The following CEP192 variants were observed in gnomAD, a reference collection of about 807,000 sequenced individuals.
CEP192 encodes the protein centrosomal protein 192, also known as centrosomal protein of 192 kDa.
CEP192 carries 151 observed loss-of-function variants against 271.8 expected under a neutral mutation model. The ratio of observed to expected loss-of-function variants is 0.56; its 90% confidence interval spans 0.49 to 0.64. CEP192 has a LOEUF of 0.64. Among genes scored for constraint, CEP192 ranks in the 30% least tolerant of loss-of-function variants. CEP192 has a pLI of 0.00. For synonymous variants in CEP192, 995 were observed against 1,076.5 expected (o/e 0.92, Z 1.48); for missense variants, 2,910 against 3,020.5 (o/e 0.96, Z 0.86).
At chr18:13,011,788 A>G (rs1599061528) in intron 4 of CEP192, among the ~76,000 whole-genome samples, 1 of 152,210 alleles carries the variant, frequency 6.6e-6, no homozygotes, top group South Asian at 2.1e-4. Flanking sequence ...TCGGCCTCCC[A>G]GAGTGCTGGG....
chr18:13,078,996 A>G (rs145902047), intron 30 of CEP192, among the ~76,000 whole-genome samples: 3,794 of 152,298 alleles, frequency 0.025, 56 homozygotes, highest in Middle Eastern at 0.048. Context: ...ATAGTATTCC[A>G]TGGTGTATAT....
At chr18:13,116,244 C>T in intron 42 of CEP192, 133 bp from the exon 43 acceptor site, 1 of 910,340 alleles carries the variant, frequency 1.1e-6, no homozygotes. Context: ...GTCGTCATTA[C>T]AAAACTTATA....
intron 14 of CEP192, among the ~76,000 whole-genome samples, chr18:13,041,248 A>G (rs2036185705): frequency 6.6e-6 from 1 of 152,202 alleles, no homozygotes; most frequent in Non-Finnish European, 1.5e-5. Context: ...TTAATCGTAG[A>G]TATAATTTAT....
chr18:13,010,166 T>TTTTTATTTTTA (rs2034252383), intron 4 of CEP192, among the ~76,000 whole-genome samples: 1 of 151,908 alleles, frequency 6.6e-6, no homozygotes, highest in Non-Finnish European at 1.5e-5. Context: ...TAAATAAAAA[T>TTTTTATTTTTA]ATAGGGAAAG....
chr18:13,109,717 A>T (rs186236746), intron 40 of CEP192, among the ~76,000 whole-genome samples: 1 of 152,148 alleles, frequency 6.6e-6, no homozygotes, highest in Non-Finnish European at 1.5e-5. Context: ...AGCAAAACAT[A>T]GTAAAATTAA....
chr18:13,057,257 G>T (rs60606039), intron 19 of CEP192, among the ~76,000 whole-genome samples: 13,069 of 147,912 alleles, frequency 0.088, 686 homozygotes, highest in South Asian at 0.19. Flanking sequence ...TTTTTTGTTT[G>T]TTTTTTTTTT....
chr18:13,118,330 G>A (rs1351548916), intron 44 of CEP192, among the ~76,000 whole-genome samples: 3 of 152,132 alleles, frequency 2.0e-5, no homozygotes, highest in African/African-American at 4.8e-5. Context: ...TTCCAGAAAC[G>A]TGTTCTATTC....
chr18:13,009,947 C>T (rs1235328884), intron 4 of CEP192, among the ~76,000 whole-genome samples: 1 of 151,964 alleles, frequency 6.6e-6, no homozygotes, highest in African/African-American at 2.4e-5. Context: ...TGGCTTGAGC[C>T]CAGGAGTTCA....
At chr18:13,090,011 G>GTA (rs1230411385) in intron 33 of CEP192, among the ~76,000 whole-genome samples, 1 of 152,176 alleles carries the variant, frequency 6.6e-6, no homozygotes, top group Admixed American at 6.5e-5. Flanking sequence ...TATGGAAGAT[G>GTA]TAGTGGTGGC....
At chr18:13,080,614 T>G (rs939828299) in intron 30 of CEP192, among the ~76,000 whole-genome samples, 8 of 152,216 alleles carry the variant, frequency 5.3e-5, no homozygotes, top group Non-Finnish European at 8.8e-5. Flanking sequence ...CTTTTCCTAA[T>G]TGAATACCCT....
chr18:13,103,659 C>T (rs771979790), intron 39 of CEP192, 71 bp downstream of exon 39: 9 of 1,169,250 alleles, frequency 7.7e-6, no homozygotes, highest in Non-Finnish European at 1.2e-5. Context: ...TAAAAACTGA[C>T]TATGAGCATA....
chr18:13,043,591 C>T (rs1479569425), intron 15 of CEP192, among the ~76,000 whole-genome samples: 1 of 151,958 alleles, frequency 6.6e-6, no homozygotes, highest in Non-Finnish European at 1.5e-5. Flanking sequence ...TATTCTTGGC[C>T]CTTTATATTT....
chr18:13,023,877 A>C (rs763592689), intron 9 of CEP192, among the ~76,000 whole-genome samples: 8 of 152,186 alleles, frequency 5.3e-5, no homozygotes, highest in Non-Finnish European at 7.4e-5. Context: ...AAGGTTATTC[A>C]TTATTGCCTT....
Position 13,059,149 on chromosome 18 carries a change from A to G in CEP192, c.4325A>G (p.Glu1442Gly), listed in dbSNP as rs2037274177. Residue 1442 changes from glutamate (E) to glycine (G), a missense_variant, in exon 21 of 45, where the codon GAA (glutamate) becomes GGA (glycine). Glu to Gly is a moderately conservative substitution (Grantham distance 98). Transcript: ENST00000506447. ...NKAIIRPHAT[E>G]EIKVLFIPSS... is the part of the protein sequence containing the mutation. ...GCCATCATAAGACCTCATGCCACAGAAGAGATAAAAGTGCTTTTTATACCA... is the reference window on the plus strand; with the variant it reads ...GCCATCATAAGACCTCATGCCACAGGAGAGATAAAAGTGCTTTTTATACCA... 1.2e-6 allele frequency: 2 copies of G among 1,613,972 alleles called. No individual in the cohort carries two copies. The highest frequency in any genetic ancestry group is 1.7e-6 in the Non-Finnish European group (2 of 1,179,960).
chr18:13,069,163 A>T lies in CEP192; in HGVS notation c.5037A>T (p.Glu1679Asp), dbSNP rs778150583. 6.2e-7 allele frequency: 1 copy of T among 1,614,066 alleles called. No individual in the cohort carries two copies. Among genetic ancestry groups the T allele is most frequent in the South Asian group, 1.1e-5 (1 of 91,084 alleles). The change falls in exon 26 of 45, where the codon GAA (glutamate) becomes GAT (aspartate). Residue 1679 changes from glutamate to aspartate, a missense_variant. Transcript: ENST00000506447. ...HLPLKNAGNI[E>D]VYLDIKVPEQ... ...CTTTGAAAAATGCTGGGAACATTGA[A>T]GTTTATTTGGATATCAAGGTATGCA...
rs1394415055 is a variant in CEP192 at position 13,059,238 on chromosome 18, G to C, written c.4414G>C (p.Glu1472Gln). ...VASWPCSTDA[E>Q]TIVQAEALAS... ...TTCTTGGCCATGTTCGACAGATGCTGAGACCATCGTACAGGCAGAAGCTTT... is the reference window on the plus strand; with the variant it reads ...TTCTTGGCCATGTTCGACAGATGCTCAGACCATCGTACAGGCAGAAGCTTT... The change falls in exon 21 of 45, where the codon GAG becomes CAG. Residue 1472 changes from glutamate to glutamine, a missense_variant. Glu to Gln is a conservative substitution (Grantham distance 29). Coordinates refer to ENST00000506447, the MANE Select transcript of CEP192 (RefSeq NM_032142.4). 2 of 1,614,078 alleles carry C rather than the reference G, an allele frequency of 1.2e-6. No homozygotes were observed. Among genetic ancestry groups the C allele is most frequent in the Admixed American group, 3.3e-5 (2 of 60,006 alleles).
intron 17 of CEP192, among the ~76,000 whole-genome samples, chr18:13,050,304 A>C (rs1205845010): frequency 6.6e-6 from 1 of 152,228 alleles, no homozygotes; most frequent in Admixed American, 6.5e-5. Context: ...GAGTCTAATA[A>C]ATGGAAAAAC....
intron 13 of CEP192, among the ~76,000 whole-genome samples, chr18:13,039,455 C>CA (rs61448797): frequency 5.2e-5 from 7 of 134,122 alleles, no homozygotes; most frequent in African/African-American, 1.1e-4. Context: ...GACTCCATCT[C>CA]AAAAAAAAAA....
chr18:13,114,290 T>G, intron 42 of CEP192, 39 bp downstream of exon 42: 1 of 1,603,874 alleles, frequency 6.2e-7, no homozygotes, highest in Non-Finnish European at 8.5e-7. Context: ...TTTTTCCCAG[T>G]ACTTTATTGA....
Sources: gnomAD v4.1 joint callset for allele counts (sites outside exome capture counted in the v4.1 genomes callset) on GRCh38, gnomAD v4.1.1 for gene constraint, MANE v1.5 for transcripts, NCBI Gene and HGNC (gene_info 2026-07-23, HGNC 2026-07-21) for gene names.